TANC2: variants seen among roughly 807,000 people sequenced by gnomAD.
TANC2 encodes the protein tetratricopeptide repeat, ankyrin repeat and coiled-coil containing 2, also known as protein TANC2.
Under a neutral mutation model 210.5 loss-of-function variants are expected in TANC2, and 26 were observed. The ratio of observed to expected loss-of-function variants is 0.12; its 90% confidence interval spans 0.09 to 0.17. TANC2 has a LOEUF of 0.17. Ranked by LOEUF, TANC2 falls within the 10% of genes least tolerant of loss-of-function variation. TANC2 has a pLI of 1.00. For synonymous variants in TANC2, 931 were observed against 967.1 expected, an observed-to-expected ratio of 0.96 and a Z score of 0.69; for missense variants, 2,129 against 2,608.9, an observed-to-expected ratio of 0.82 and a Z score of 4.01.
chr17:63,168,364 T>C (rs1397596810), intron 5 of TANC2, among the ~76,000 whole-genome samples: 1 of 152,180 alleles, frequency 6.6e-6, no homozygotes, highest in Non-Finnish European at 1.5e-5. Context: ...CCCAGTTGCA[T>C]GTTAATAATG....
At chr17:63,194,226 A>G (rs1240633730) in intron 6 of TANC2, 87 bp downstream of exon 6, 11 of 1,344,358 alleles carry the variant, frequency 8.2e-6, no homozygotes, top group Non-Finnish European at 1.1e-5. Context: ...ATGCCTTTTG[A>G]GGCCTAGAAT....
chr17:62,980,033 G>C (rs2032222459), intron 1 of TANC2, among the ~76,000 whole-genome samples: 1 of 152,194 alleles, frequency 6.6e-6, no homozygotes, highest in African/African-American at 2.4e-5. Context: ...TCTGACCCCA[G>C]TTTTCACCAC....
chr17:63,197,902 C>G (rs544901730), intron 6 of TANC2: 49 of 152,310 alleles, frequency 3.2e-4, no homozygotes, highest in Admixed American at 1.1e-3. Flanking sequence ...AATATGAGGC[C>G]TGCCTTTTAA....
At chr17:63,109,747 A>G (rs1202533114) in intron 4 of TANC2, among the ~76,000 whole-genome samples, 1 of 151,798 alleles carries the variant, frequency 6.6e-6, no homozygotes, top group Admixed American at 6.6e-5. Context: ...TTTCAGTGAT[A>G]GTGAGCTTTC....
chr17:63,209,173 C>A (rs958536583), intron 7 of TANC2, among the ~76,000 whole-genome samples: 1 of 151,920 alleles, frequency 6.6e-6, no homozygotes, highest in Non-Finnish European at 1.5e-5. Context: ...CCACACCCAG[C>A]TAATTTTTGT....
At chr17:63,300,633 T>C (rs1179173025) in intron 9 of TANC2, among the ~76,000 whole-genome samples, 4 of 152,214 alleles carry the variant, frequency 2.6e-5, no homozygotes, top group Non-Finnish European at 5.9e-5. Context: ...TGATTTTGTA[T>C]CCTGAGACTT....
chr17:63,347,326 T>C (rs191574235), intron 12 of TANC2, among the ~76,000 whole-genome samples: 2 of 152,306 alleles, frequency 1.3e-5, no homozygotes, highest in Admixed American at 1.3e-4. Context: ...ATAAGAACAG[T>C]GGTTTCCTAT....
At chr17:63,027,842 A>G (rs1488961067) in intron 2 of TANC2, among the ~76,000 whole-genome samples, 1 of 152,100 alleles carries the variant, frequency 6.6e-6, no homozygotes, top group Non-Finnish European at 1.5e-5. Context: ...TTTCTTACAT[A>G]TTTTATTCCT....
intron 7 of TANC2, among the ~76,000 whole-genome samples, chr17:63,222,988 T>G (rs549939859): frequency 6.6e-6 from 1 of 152,210 alleles, no homozygotes; most frequent in Admixed American, 6.5e-5. Flanking sequence ...TACTGCAACA[T>G]TGGCGAATCT....
rs140182353 is a variant in TANC2 at position 63,089,406 on chromosome 17, T to C, written c.140-9769T>C. 1.2e-3 allele frequency among the ~76,000 whole-genome samples: 190 copies of C among 152,268 alleles called. 1 individual carries two copies. The highest frequency in any genetic ancestry group is 2.0e-3 in the Non-Finnish European group (139 of 68,028). Reference sequence around the variant, plus strand: ...AGAGAAATAAAAGAAGAAAGTCATATCAGGTAATGATAAGTGCTGTGTGAA... The same window carrying C: ...AGAGAAATAAAAGAAGAAAGTCATACCAGGTAATGATAAGTGCTGTGTGAA... On this transcript the variant is annotated intron_variant, in intron 3 of 27. Transcript: ENST00000689528.
intron 4 of TANC2, among the ~76,000 whole-genome samples, chr17:63,136,748 A>T (rs1159729799): frequency 1.7e-4 from 26 of 152,204 alleles, no homozygotes. Context: ...GATAATTGAC[A>T]GCATGGTAAT....
intron 17 of TANC2, among the ~76,000 whole-genome samples, chr17:63,395,354 G>T (rs911978144): frequency 6.6e-6 from 1 of 152,036 alleles, no homozygotes; most frequent in African/African-American, 2.4e-5. Flanking sequence ...TCCCTTTTTT[G>T]ATTTCAAAGA....
At chr17:63,011,741 C>T (rs757730729) in intron 2 of TANC2, among the ~76,000 whole-genome samples, 2 of 151,900 alleles carry the variant, frequency 1.3e-5, no homozygotes, top group Non-Finnish European at 2.9e-5. Flanking sequence ...TATAAGGACT[C>T]CAGGTTTTTT....
At chr17:63,358,379 ATGTG>A (rs375498280) in intron 14 of TANC2, among the ~76,000 whole-genome samples, 196 of 139,640 alleles carry the variant, frequency 1.4e-3, no homozygotes, top group Middle Eastern at 3.6e-3. Flanking sequence ...GAGAGAGAGT[ATGTG>A]TGTGTGTGTG....
At chr17:63,108,163 A>G (rs1029925394) in intron 4 of TANC2, among the ~76,000 whole-genome samples, 6 of 151,760 alleles carry the variant, frequency 4.0e-5, no homozygotes, top group African/African-American at 1.2e-4. Context: ...CTAGGCATAA[A>G]TGAGTTAAGG....
chr17:63,345,779 A>G (rs991663363), intron 12 of TANC2, among the ~76,000 whole-genome samples: 6 of 152,232 alleles, frequency 3.9e-5, no homozygotes, highest in Admixed American at 1.3e-4. Flanking sequence ...ACAGATTACT[A>G]TAATAGTCAT....
intron 3 of TANC2, among the ~76,000 whole-genome samples, chr17:63,092,110 A>C (rs1415796009): frequency 6.6e-6 from 1 of 152,164 alleles, no homozygotes; most frequent in African/African-American, 2.4e-5. Flanking sequence ...ATTCTGTTGC[A>C]TGTATATGTC....
intron 14 of TANC2, among the ~76,000 whole-genome samples, chr17:63,364,649 A>G (rs2047058634): frequency 6.6e-6 from 1 of 152,148 alleles, no homozygotes; most frequent in Non-Finnish European, 1.5e-5. Flanking sequence ...AGGCCAGGCA[A>G]GGTGGCTTAT....
At chr17:63,209,827 TTTG>T (rs1238565233) in intron 7 of TANC2, among the ~76,000 whole-genome samples, 1 of 152,228 alleles carries the variant, frequency 6.6e-6, no homozygotes, top group African/African-American at 2.4e-5. Context: ...TTATTTCCAG[TTTG>T]TTATGTATTT....
Sources: gnomAD v4.1 joint callset for allele counts (sites outside exome capture counted in the v4.1 genomes callset) on GRCh38, gnomAD v4.1.1 for gene constraint, MANE v1.5 for transcripts, NCBI Gene and HGNC (gene_info 2026-07-23, HGNC 2026-07-21) for gene names.